Variants in COL24A1 observed in about 807,000 individuals in gnomAD.
COL24A1 encodes the protein collagen type XXIV alpha 1 chain.
A neutral mutation model predicts 253.9 loss-of-function variants in COL24A1; 224 were observed. That is an observed-to-expected ratio of 0.88 (90% CI 0.79 to 0.99). The LOEUF is 0.99. Ranked by LOEUF, COL24A1 falls within the 50% of genes least tolerant of loss-of-function variation. COL24A1 has a pLI of 0.00. For synonymous variants in COL24A1, 685 were observed against 673.7 expected, an observed-to-expected ratio of 1.02 and a Z score of -0.26; for missense variants, 2,131 against 2,068.5, an observed-to-expected ratio of 1.03 and a Z score of -0.59.
intron 18 of COL24A1, among the ~76,000 whole-genome samples, chr1:86,021,761 C>A (rs756322793): frequency 1.3e-5 from 2 of 151,584 alleles, no homozygotes; most frequent in Non-Finnish European, 2.9e-5. Flanking sequence ...ATGTTAACAG[C>A]AATATAAGGT....
At chr1:86,130,073 T>C (rs567889636) in intron 2 of COL24A1, among the ~76,000 whole-genome samples, 1 of 151,998 alleles carries the variant, frequency 6.6e-6, no homozygotes, top group East Asian at 1.9e-4. Context: ...GTTCACATAT[T>C]TATTGAGTAC....
chr1:85,964,876 C>T, intron 23 of COL24A1, 133 bp downstream of exon 23: 1 of 680,094 alleles, frequency 1.5e-6, no homozygotes, highest in Non-Finnish European at 2.5e-6. Flanking sequence ...TTCTCAGTTG[C>T]TCTTTGTAAC....
At chr1:85,922,812 T>C (rs1239887153) in intron 24 of COL24A1, among the ~76,000 whole-genome samples, 1 of 152,092 alleles carries the variant, frequency 6.6e-6, no homozygotes, top group Non-Finnish European at 1.5e-5. Flanking sequence ...AATTCACACA[T>C]AACAATATTA....
rs1653648491 is a variant in COL24A1 at position 86,156,544 on chromosome 1, G to A, written c.-148C>T. 4.7e-6 allele frequency: 3 copies of A among 639,370 alleles called. No individual in the cohort carries two copies. Among genetic ancestry groups the A allele is most frequent in the Non-Finnish European group, 7.3e-6 (3 of 409,148 alleles). The allele number at this position is 639,370 out of a possible 1,614,324, so 39.6% of individuals were successfully genotyped here. A position where few individuals can be genotyped will look rare whatever the true frequency, so the allele number is the denominator to read the frequency against. On this transcript the variant is annotated 5_prime_UTR_variant, in exon 1 of 60. Coordinates refer to ENST00000370571, the MANE Select transcript of COL24A1 (RefSeq NM_152890.7). Reference sequence around the variant, plus strand: ...AACCCGCAACAAGAAAAAAAGGAGGGGAGGGGGTGAAGTCGGGAGGAGGTA... The same window carrying A: ...AACCCGCAACAAGAAAAAAAGGAGGAGAGGGGGTGAAGTCGGGAGGAGGTA...
At chr1:85,771,778 T>TTTTTTTTATTTATTTA (rs375886924) in intron 53 of COL24A1, among the ~76,000 whole-genome samples, 1 of 146,578 alleles carries the variant, frequency 6.8e-6, no homozygotes, top group Non-Finnish European at 1.5e-5. Context: ...TGCCTGACTT[T>TTTTTTTTATTTATTTA]TTTATTTATT....
At chr1:86,075,361 A>C (rs557087322) in intron 7 of COL24A1, among the ~76,000 whole-genome samples, 14 of 152,296 alleles carry the variant, frequency 9.2e-5, no homozygotes, top group Non-Finnish European at 2.1e-4. Flanking sequence ...AAATCCCTGA[A>C]TAGATCAATA....
intron 43 of COL24A1, among the ~76,000 whole-genome samples, chr1:85,827,718 G>T (rs544309382): frequency 1.3e-5 from 2 of 151,818 alleles, no homozygotes; most frequent in Non-Finnish European, 2.9e-5. Context: ...GCGTAGAGGT[G>T]TTTGTAGTAT....
intron 52 of COL24A1, among the ~76,000 whole-genome samples, chr1:85,778,895 C>T (rs313727): frequency 0.41 from 62,761 of 152,096 alleles, 13,890 homozygotes; most frequent in South Asian, 0.57. Context: ...TGAGCCACTG[C>T]GCTTGGCCTC....
rs761695812 is a variant in COL24A1 at position 86,156,379 on chromosome 1, G to T, written c.18C>A (p.His6Gln). 4.8e-5 allele frequency: 77 copies of T among 1,612,536 alleles called. 1 individual carries two copies. In the South Asian group the frequency reaches 6.4e-4, roughly 13 times the overall value. The change falls in exon 1 of 60, where the codon CAC (histidine) becomes CAA (glutamine). Residue 6 changes from histidine (H) to glutamine (Q), a missense_variant. Physicochemically the swap from His to Gln is conservative, Grantham distance 24. Transcript: ENST00000370571. MHLRA[H>Q]RTRRGKVSPT... ...GGGAGACTTTTCCACGCCTTGTTCT[G>T]TGGGCTCTTAAATGCATTTGTATGC... is the stretch of plus-strand genomic sequence containing the variant.
chr1:86,139,391 T>G (rs1650753525), intron 2 of COL24A1, among the ~76,000 whole-genome samples: 1 of 152,166 alleles, frequency 6.6e-6, no homozygotes, highest in Non-Finnish European at 1.5e-5. Context: ...CCAATGGTTA[T>G]AACTCATTTT....
At chr1:85,826,902 C>T (rs867971079) in intron 43 of COL24A1, among the ~76,000 whole-genome samples, 120 of 152,160 alleles carry the variant, frequency 7.9e-4, no homozygotes, top group Admixed American at 7.9e-4. Flanking sequence ...CTTTTCCTAA[C>T]TGAATACCCT....
At position 85,777,215 on chromosome 1, in the gene COL24A1, T is replaced by C. The variant is rs191371523; in HGVS notation, c.4339-1506A>G. Among the ~76,000 whole-genome samples the C allele has an allele frequency of 3.9e-4, 60 of 152,220 alleles. No homozygotes were observed. The East Asian group carries it at 0.012, about 29-fold the overall frequency. Reference sequence around the variant, plus strand: ...CGCCCGCCTCAGCCTCCCAAAGTGCTGAGATTACAGGAGTGAGTCACTGCG... The same window carrying C: ...CGCCCGCCTCAGCCTCCCAAAGTGCCGAGATTACAGGAGTGAGTCACTGCG... On this transcript the variant is annotated intron_variant, in intron 52 of 59. Coordinates refer to ENST00000370571, the MANE Select transcript of COL24A1 (RefSeq NM_152890.7).
chr1:86,131,735 C>T (rs558180835), intron 2 of COL24A1, among the ~76,000 whole-genome samples: 1 of 152,168 alleles, frequency 6.6e-6, no homozygotes, highest in East Asian at 1.9e-4. Flanking sequence ...TGTATGTGTG[C>T]TACATTTTCT....
At chr1:86,059,458 C>G (rs760621458) in intron 8 of COL24A1, among the ~76,000 whole-genome samples, 3 of 151,978 alleles carry the variant, frequency 2.0e-5, no homozygotes, top group Non-Finnish European at 4.4e-5. Context: ...AGAGGAAGAG[C>G]TGGTATATTT....
At chr1:86,072,575 T>C (rs1156892029) in intron 7 of COL24A1, among the ~76,000 whole-genome samples, 1 of 152,110 alleles carries the variant, frequency 6.6e-6, no homozygotes, top group Non-Finnish European at 1.5e-5. Context: ...GACTTAAACA[T>C]TCCTGCCTCC....
At chr1:86,061,048 T>C (rs1193046641) in intron 8 of COL24A1, among the ~76,000 whole-genome samples, 4 of 151,810 alleles carry the variant, frequency 2.6e-5, no homozygotes, top group African/African-American at 7.3e-5. Flanking sequence ...TGAGAAAAAA[T>C]GAGACATAAG....
intron 57 of COL24A1, among the ~76,000 whole-genome samples, chr1:85,741,765 T>C (rs1213260928): frequency 6.6e-6 from 1 of 152,224 alleles, no homozygotes; most frequent in Non-Finnish European, 1.5e-5. Flanking sequence ...CCAGGTAATA[T>C]GAATTATGTG....
At chr1:86,005,642 A>G (rs1391396299) in intron 19 of COL24A1, among the ~76,000 whole-genome samples, 1 of 152,118 alleles carries the variant, frequency 6.6e-6, no homozygotes, top group Non-Finnish European at 1.5e-5. Flanking sequence ...AAGAATAAAA[A>G]GAAATTAGAA....
rs369310161 is a variant in COL24A1 at position 86,063,357 on chromosome 1, C to G, written c.1752+358G>C. Among the ~76,000 whole-genome samples, 368 of 139,000 alleles carry G rather than the reference C, an allele frequency of 2.6e-3. 8 individuals are homozygous for G. In the East Asian group the frequency reaches 0.04, roughly 15 times the overall value. 91.2% of individuals were successfully genotyped at this position (139,000 alleles called of 152,430 possible). ...TGTACAAAAAAAATTAAGTCTCTCT[C>G]TCTGTGTGTGTGTGTGTGTGTGTGT... On this transcript the variant is annotated intron_variant, in intron 8 of 59. Transcript: ENST00000370571.
Sources: allele counts gnomAD v4.1 joint callset (sites outside exome capture counted in the v4.1 genomes callset), GRCh38; gene constraint gnomAD v4.1.1; transcripts MANE v1.5; gene names NCBI Gene and HGNC (gene_info 2026-07-23, HGNC 2026-07-21).